NECTIN3: variants seen among roughly 807,000 people sequenced by gnomAD.
NECTIN3 encodes nectin cell adhesion molecule 3.
A neutral mutation model predicts 49.4 loss-of-function variants in NECTIN3; 8 were observed. The ratio of observed to expected loss-of-function variants is 0.16; its 90% CI spans 0.10 to 0.29. The LOEUF (loss-of-function observed/expected upper bound fraction) is 0.29, where lower values mean the gene tolerates loss of function less well. NECTIN3 is among the 10% of genes least tolerant of loss of function. NECTIN3 has a pLI of 1.00. For missense variants in NECTIN3, 581 were observed against 654.6 expected, an observed-to-expected ratio of 0.89 and a Z score of 1.23; for synonymous variants, 277 against 241.1, an observed-to-expected ratio of 1.15 and a Z score of -1.38.
chr3:111,081,739 A>G (rs1019561660), intron 1 of NECTIN3, among the ~76,000 whole-genome samples: 1 of 152,218 alleles, frequency 6.6e-6, no homozygotes, highest in African/African-American at 2.4e-5. Flanking sequence ...TGTGAGGGAA[A>G]GTCAGTGAAA....
chr3:111,160,964 G>A (rs960431102), intron 7 of NECTIN3, among the ~76,000 whole-genome samples: 1 of 152,166 alleles, frequency 6.6e-6, no homozygotes, highest in African/African-American at 2.4e-5. Flanking sequence ...CCGAGGTTGC[G>A]CCACTGCACT....
intron 7 of NECTIN3, chr3:111,147,497 G>GAGTACACTTA (rs1431010544): frequency 6.8e-7 from 1 of 1,474,546 alleles, no homozygotes; most frequent in South Asian, 1.2e-5. Flanking sequence ...ATGTGTTCAT[G>GAGTACACTTA]AGTACACTTA....
intron 1 of NECTIN3, among the ~76,000 whole-genome samples, chr3:111,106,875 T>C (rs959254103): frequency 2.7e-5 from 4 of 150,302 alleles, no homozygotes; most frequent in Non-Finnish European, 4.5e-5. Context: ...ATCTTAACAT[T>C]TGAAAGATCC....
intron 7 of NECTIN3, among the ~76,000 whole-genome samples, chr3:111,185,467 G>A (rs2035702980): frequency 6.7e-6 from 1 of 149,790 alleles, no homozygotes; most frequent in African/African-American, 2.5e-5. Flanking sequence ...TGATAGGAAG[G>A]TTAGTCTGGT....
chr3:111,170,680 A>G (rs1398656764), intron 7 of NECTIN3, among the ~76,000 whole-genome samples: 2 of 152,164 alleles, frequency 1.3e-5, no homozygotes, highest in Non-Finnish European at 2.9e-5. Context: ...AACCAACATA[A>G]CAGGATTCCT....
intron 7 of NECTIN3, among the ~76,000 whole-genome samples, chr3:111,160,860 A>G (rs1281207442): frequency 6.6e-6 from 1 of 152,058 alleles, no homozygotes; most frequent in Non-Finnish European, 1.5e-5. Context: ...ACAAAAACTT[A>G]GCCGGGTGTG....
At chr3:111,088,257 T>G (rs2032048788) in intron 1 of NECTIN3, among the ~76,000 whole-genome samples, 1 of 152,148 alleles carries the variant, frequency 6.6e-6, no homozygotes. Flanking sequence ...CTTTGTTGCT[T>G]CCCATTGCCA....
At position 111,183,144 on chromosome 3, in the gene NECTIN3, GACAAT is replaced by G. The variant is rs146116801; in HGVS notation, c.1222-9203_1222-9199del. Among the ~76,000 whole-genome samples the G allele has an allele frequency of 0.019, 2,954 of 151,580 alleles. 160 individuals are homozygous for G. In the East Asian group the frequency reaches 0.22, roughly 12 times the overall value. ...TTATTTCTCCCTGCGTTATAAACCTGACAATACATTATTACTATTTTTGTTTTAAA... is the reference window on the plus strand; with the variant it reads ...TTATTTCTCCCTGCGTTATAAACCTGACATTATTACTATTTTTGTTTTAAA... On this transcript the variant is annotated intron_variant, in intron 7 of 8. Coordinates refer to the NECTIN3 transcript ENST00000493615.
chr3:111,174,731 TG>T (rs889742378), intron 7 of NECTIN3, among the ~76,000 whole-genome samples: 1 of 77,830 alleles, frequency 1.3e-5, no homozygotes, highest in Non-Finnish European at 2.6e-5. Context: ...GTTTGGGGGG[TG>T]GGGGGTGGGG....
chr3:111,072,494 A>G, intron 1 of NECTIN3: 4 of 1,535,770 alleles, frequency 2.6e-6, no homozygotes, highest in South Asian at 1.2e-5. Context: ...TTCCTCGCTC[A>G]TTCTCTGGGA....
intron 1 of NECTIN3, among the ~76,000 whole-genome samples, chr3:111,076,211 A>G (rs1044047321): frequency 2.0e-5 from 3 of 152,144 alleles, no homozygotes; most frequent in African/African-American, 4.8e-5. Flanking sequence ...GATAAAACTT[A>G]TGGGTTATTG....
At chr3:111,127,584 C>T (rs543008028) in intron 5 of NECTIN3, among the ~76,000 whole-genome samples, 3 of 149,654 alleles carry the variant, frequency 2.0e-5, no homozygotes, top group South Asian at 2.1e-4. Context: ...TCTTTTGAGA[C>T]GTGGTCTCGC....
chr3:111,134,304 A>G lies in NECTIN3; in HGVS notation c.*89A>G. 1 of 1,475,902 alleles carries G rather than the reference A, an allele frequency of 6.8e-7. No individual in the cohort carries two copies. 91.4% of individuals were successfully genotyped at this position (1,475,902 alleles called of 1,614,324 possible). On this transcript the variant is annotated 3_prime_UTR_variant, in exon 6 of 6. Transcript: ENST00000485303. Reference sequence around the variant, plus strand: ...TGTTCATACTTTTTCTTGAGGAAGAATAAGCTTTTTCAAGTTGATTTTCAA... The same window carrying G: ...TGTTCATACTTTTTCTTGAGGAAGAGTAAGCTTTTTCAAGTTGATTTTCAA...
At chr3:111,144,835 G>C in intron 5 of NECTIN3, 2 of 1,468,320 alleles carry the variant, frequency 1.4e-6, no homozygotes, top group Non-Finnish European at 1.8e-6. Context: ...TTGTAGAAAA[G>C]GTATGCAATT....
At chr3:111,169,214 C>T (rs994109819) in intron 7 of NECTIN3, among the ~76,000 whole-genome samples, 6 of 150,682 alleles carry the variant, frequency 4.0e-5, no homozygotes, top group African/African-American at 1.5e-4. Flanking sequence ...CTCAGCCTCC[C>T]GAGTAGCTGG....
At chr3:111,181,508 A>G (rs1157494276) in intron 7 of NECTIN3, among the ~76,000 whole-genome samples, 2 of 152,080 alleles carry the variant, frequency 1.3e-5, no homozygotes, top group Non-Finnish European at 2.9e-5. Context: ...CTTTTTCTCC[A>G]TTTGCTGAAA....
rs138150547 is a variant in NECTIN3 at position 111,081,726 on chromosome 3, GT to G, written c.160+9552del. Among the ~76,000 whole-genome samples the G allele has an allele frequency of 8.1e-4, 124 of 152,310 alleles. No individual in the cohort carries two copies. In the East Asian group the frequency reaches 0.02, roughly 25 times the overall value. ...TCTTGAAGGAATAGCTTAGATTTCT[GT>G]TTGTGAGGGAAAGTCAGTGAAAAAG... On this transcript the variant is annotated intron_variant, in intron 1 of 5. Transcript: ENST00000485303.
chr3:111,090,004 A>G (rs1576082733), intron 1 of NECTIN3, among the ~76,000 whole-genome samples: 1 of 152,104 alleles, frequency 6.6e-6, no homozygotes, highest in African/African-American at 2.4e-5. Context: ...ATGGCCCTGT[A>G]TCTCTAGCAT....
chr3:111,135,459 C>G lies in NECTIN3; in HGVS notation c.*1244C>G. ...TTTATCTTTTGAGAAAGAAATGTTACCTAAACTTCAAATGTGCTTTTTGTT... is the reference window on the plus strand; with the variant it reads ...TTTATCTTTTGAGAAAGAAATGTTAGCTAAACTTCAAATGTGCTTTTTGTT... On this transcript the variant is annotated 3_prime_UTR_variant, in exon 6 of 6. Coordinates refer to ENST00000485303, the MANE Select transcript of NECTIN3 (RefSeq NM_015480.3). 1 of 946,874 alleles carries G rather than the reference C, an allele frequency of 1.1e-6. No individual in the cohort carries two copies. Among genetic ancestry groups the G allele is most frequent in the Non-Finnish European group, 1.3e-6 (1 of 795,116 alleles). 58.7% of individuals were successfully genotyped at this position (946,874 alleles called of 1,614,324 possible).
Sources: allele counts gnomAD v4.1 joint callset (sites outside exome capture counted in the v4.1 genomes callset), GRCh38; gene constraint gnomAD v4.1.1; transcripts MANE v1.5; gene names NCBI Gene and HGNC (gene_info 2026-07-23, HGNC 2026-07-21).